GTF2IRD1: variants seen among roughly 807,000 people sequenced by gnomAD.
GTF2IRD1 encodes general transcription factor II-I repeat domain-containing protein 1.
GTF2IRD1 carries 26 observed loss-of-function variants against 113.2 expected under a neutral mutation model. That is an observed-to-expected ratio of 0.23 (90% CI 0.17 to 0.32). The LOEUF is 0.32. Among genes scored for constraint, GTF2IRD1 ranks in the 10% least tolerant of loss-of-function variants. GTF2IRD1 has a pLI of 1.00. For missense variants in GTF2IRD1, 864 were observed against 1,280.8 expected (o/e 0.67, Z 4.97); for synonymous variants, 484 against 529.1 (o/e 0.91, Z 1.17).
intron 1 of GTF2IRD1, among the ~76,000 whole-genome samples, chr7:74,485,406 A>T (rs1294950127): frequency 6.6e-6 from 1 of 151,148 alleles, no homozygotes; most frequent in Non-Finnish European, 1.5e-5. Context: ...TCACGAGGTC[A>T]GGAGATCGAG....
chr7:74,602,547 C>A lies in GTF2IRD1; in HGVS notation c.*114C>A. ...CTTTTAGTTTTTCCAATGATTTTTA[C>A]ACTATATTCCTGCCACCAAGGCCTT... On this transcript the variant is annotated 3_prime_UTR_variant, in exon 27 of 27. Coordinates refer to ENST00000424337, the MANE Select transcript of GTF2IRD1 (RefSeq NM_005685.4). 2 of 697,800 alleles carry A rather than the reference C, an allele frequency of 2.9e-6. No individual in the cohort carries two copies. Among genetic ancestry groups the A allele is most frequent in the Non-Finnish European group, 4.6e-6 (2 of 438,486 alleles). 43.2% of individuals were successfully genotyped at this position (697,800 alleles called of 1,614,324 possible).
chr7:74,542,467 T>C (rs1554352060), intron 14 of GTF2IRD1, among the ~76,000 whole-genome samples: 1 of 152,038 alleles, frequency 6.6e-6, no homozygotes. Flanking sequence ...AGAGGAAAAA[T>C]TGATTGTGCT....
intron 1 of GTF2IRD1, among the ~76,000 whole-genome samples, chr7:74,468,173 A>G (rs1171598015): frequency 6.6e-6 from 1 of 152,054 alleles, no homozygotes; most frequent in Non-Finnish European, 1.5e-5. Flanking sequence ...GCTACAGGTA[A>G]TTAAACACCC....
At chr7:74,563,125 A>T (rs1800081101) in intron 22 of GTF2IRD1, among the ~76,000 whole-genome samples, 1 of 151,736 alleles carries the variant, frequency 6.6e-6, no homozygotes, top group African/African-American at 2.4e-5. Flanking sequence ...AGAGAGACTG[A>T]GCATGAGAAG....
chr7:74,555,109 G>C lies in GTF2IRD1; in HGVS notation c.1917-65G>C. On this transcript the variant is annotated intron_variant, in intron 17 of 26. Coordinates refer to ENST00000424337, the MANE Select transcript of GTF2IRD1 (RefSeq NM_005685.4). The surrounding 1 kb of genome is among the most constrained non-coding windows in gnomAD (Gnocchi z 5.3). ...GCTGTGTAGACTGAGGCCCAGAGAGGAGGGCTGAGCAGTCCCAGAGATGCT... is the reference window on the plus strand; with the variant it reads ...GCTGTGTAGACTGAGGCCCAGAGAGCAGGGCTGAGCAGTCCCAGAGATGCT... The C allele has an allele frequency of 5.5e-6, 8 of 1,451,264 alleles. No homozygotes were observed. The highest frequency in any genetic ancestry group is 7.7e-6 in the Non-Finnish European group (8 of 1,043,492). 89.9% of individuals were successfully genotyped at this position (1,451,264 alleles called of 1,614,324 possible).
chr7:74,471,174 G>C (rs868988748), intron 1 of GTF2IRD1, among the ~76,000 whole-genome samples: 1 of 152,174 alleles, frequency 6.6e-6, no homozygotes, highest in Non-Finnish European at 1.5e-5. Context: ...GAGTGGGAGA[G>C]TTTTTGGGGA....
Position 74,521,158 on chromosome 7 carries a change from A to C in GTF2IRD1, c.917-50A>C, listed in dbSNP as rs1797272036. On this transcript the variant is annotated intron_variant, in intron 6 of 26. Transcript: ENST00000424337. ...CTGTGCACTGGGGCCAGATCTGGGG[A>C]ACCCTCTTGGGTCCCACCTGGAACC... 3.7e-6 allele frequency: 4 copies of C among 1,068,582 alleles called. No homozygotes were observed. In the Admixed American group the frequency reaches 6.9e-5, roughly 18 times the overall value. The allele number at this position is 1,068,582 out of a possible 1,614,324, so 66.2% of individuals were successfully genotyped here.
At chr7:74,471,701 A>AC (rs144555416) in intron 1 of GTF2IRD1, among the ~76,000 whole-genome samples, 52,258 of 134,428 alleles carry the variant, frequency 0.39, 10,844 homozygotes, top group East Asian at 0.62. Flanking sequence ...AAAAAAAAAA[A>AC]CAAAAAAAAC....
intron 22 of GTF2IRD1, among the ~76,000 whole-genome samples, chr7:74,569,880 G>A (rs1464056953): frequency 6.6e-6 from 1 of 152,142 alleles, no homozygotes; most frequent in African/African-American, 2.4e-5. Context: ...AAACCTGAGT[G>A]GTATTTAGTG....
At chr7:74,466,873 C>A (rs528028512) in intron 1 of GTF2IRD1, among the ~76,000 whole-genome samples, 7 of 152,100 alleles carry the variant, frequency 4.6e-5, no homozygotes, top group Non-Finnish European at 1.0e-4. Context: ...GCATCCTGTG[C>A]AACCTTGTCA....
At chr7:74,559,217 G>A (rs2130783731) in intron 21 of GTF2IRD1, among the ~76,000 whole-genome samples, 173 bp downstream of exon 21, 1 of 152,300 alleles carries the variant, frequency 6.6e-6, no homozygotes, top group African/African-American at 2.4e-5. Flanking sequence ...GCCAGCCCAA[G>A]TGAAGGGAGC....
At chr7:74,474,156 T>C (rs1794270409) in intron 1 of GTF2IRD1, among the ~76,000 whole-genome samples, 1 of 152,042 alleles carries the variant, frequency 6.6e-6, no homozygotes. Context: ...GGCAGGAGAA[T>C]TGCTTGAACC....
chr7:74,500,701 GAC>G (rs1477874873), intron 1 of GTF2IRD1, among the ~76,000 whole-genome samples: 4 of 152,108 alleles, frequency 2.6e-5, no homozygotes, highest in Non-Finnish European at 5.9e-5. Flanking sequence ...CTGACACACA[GAC>G]ACACATTGAT....
At chr7:74,491,083 A>G (rs1243476174) in intron 1 of GTF2IRD1, among the ~76,000 whole-genome samples, 5 of 152,102 alleles carry the variant, frequency 3.3e-5, no homozygotes, top group African/African-American at 1.2e-4. Context: ...TAAAGTGGGC[A>G]GATCATGAGG....
At chr7:74,565,306 C>T (rs1465549460) in intron 22 of GTF2IRD1, among the ~76,000 whole-genome samples, 4 of 152,066 alleles carry the variant, frequency 2.6e-5, no homozygotes, top group Admixed American at 1.3e-4. Flanking sequence ...GGGTGGATCA[C>T]GTAAAGTCAG....
chr7:74,486,674 C>A (rs945184309), intron 1 of GTF2IRD1, among the ~76,000 whole-genome samples: 2 of 152,088 alleles, frequency 1.3e-5, no homozygotes, highest in African/African-American at 4.8e-5. Context: ...GTCTGCCTCA[C>A]AATCCCAGCA....
chr7:74,567,846 C>T (rs1268845678), intron 22 of GTF2IRD1, among the ~76,000 whole-genome samples: 3 of 151,988 alleles, frequency 2.0e-5, no homozygotes, highest in South Asian at 2.1e-4. Flanking sequence ...AGTGCAGTGG[C>T]GTGATCTCGG....
At chr7:74,461,661 C>T (rs1344945453) in intron 1 of GTF2IRD1, among the ~76,000 whole-genome samples, 1 of 152,162 alleles carries the variant, frequency 6.6e-6, no homozygotes, top group Admixed American at 6.5e-5. Context: ...TCGCTGCAAC[C>T]TCTGCCTCCC....
chr7:74,532,099 G>T (rs587706380), intron 9 of GTF2IRD1, among the ~76,000 whole-genome samples: 1 of 152,276 alleles, frequency 6.6e-6, no homozygotes, highest in Non-Finnish European at 1.5e-5. Flanking sequence ...CCTATCATGT[G>T]GGCCTTCCAG....
Sources: allele counts gnomAD v4.1 joint callset (sites outside exome capture counted in the v4.1 genomes callset), GRCh38; gene constraint gnomAD v4.1.1; non-coding constraint Gnocchi (gnomAD v3.1); transcripts MANE v1.5; gene names NCBI Gene and HGNC (gene_info 2026-07-23, HGNC 2026-07-21).